GPR173: variants seen among roughly 807,000 people sequenced by gnomAD.
GPR173 encodes probable G protein-coupled receptor 173.
In GPR173, 2 loss-of-function variants were observed where a neutral mutation model predicts 13.9. The observed-to-expected ratio is 0.14, with a 90% CI of 0.06 to 0.45. The LOEUF is 0.45. Ranked by LOEUF, GPR173 falls within the 20% of genes least tolerant of loss-of-function variation. GPR173 has a pLI of 0.98. For missense variants in GPR173, 202 were observed against 340.5 expected (o/e 0.59, Z 3.20); for synonymous variants, 131 against 141.0 (o/e 0.93, Z 0.50).
intron 1 of GPR173, among the ~76,000 whole-genome samples, chrX:53,051,959 C>T (rs192417174): frequency 9.0e-6 from 1 of 110,711 alleles, no homozygotes; most frequent in Admixed American, 9.6e-5. Context: ...GTGTATCTGT[C>T]CTGCATTTGT....
rs1354165521 is a variant in GPR173, at chrX:53,080,545, T to C, written c.*2802T>C. Reference sequence around the variant, plus strand: ...CACCGTTCATGTGTTTATTTACATATATGTGTATCTGTGAAAAATGTATGG... The same window carrying C: ...CACCGTTCATGTGTTTATTTACATACATGTGTATCTGTGAAAAATGTATGG... On this transcript the variant is annotated 3_prime_UTR_variant, in exon 2 of 2. Transcript: ENST00000332582. The C allele has an allele frequency of 8.1e-6, 1 of 122,934 alleles. No homozygotes were observed. Among genetic ancestry groups the C allele is most frequent in the Non-Finnish European group, 1.9e-5 (1 of 53,272 alleles). 10.1% of individuals were successfully genotyped at this position (122,934 alleles called of 1,213,427 possible).
At chrX:53,060,378 G>A (rs1303019201) in intron 1 of GPR173, among the ~76,000 whole-genome samples, 4 of 110,047 alleles carry the variant, frequency 3.6e-5, no homozygotes, top group African/African-American at 6.6e-5. Flanking sequence ...CCAGGAGTTC[G>A]AGATCAGCCT....
rs1556805861 is a variant in GPR173, at chrX:53,076,695, AGCTGGTACT to A, written c.80_88del (p.Val27_Leu29del). 1 of 1,209,119 alleles carries A rather than the reference AGCTGGTACT, an allele frequency of 8.3e-7. No individual in the cohort carries two copies. The highest frequency in any genetic ancestry group is 1.7e-5 in the African/African-American group (1 of 57,839). On this transcript the variant is annotated inframe_deletion, in exon 2 of 2. Transcript: ENST00000332582. Reference sequence around the variant, plus strand: ...CCACCGTCCGCATCAGCTTATGTGAAGCTGGTACTGCTGGGACTGATTATGTGCGTGAGC... The same window carrying A: ...CCACCGTCCGCATCAGCTTATGTGAAGCTGGGACTGATTATGTGCGTGAGC...
At chrX:53,061,991 A>AAGAAGAGAAGAGAAGAGAAG (rs1556803835) in intron 1 of GPR173, among the ~76,000 whole-genome samples, 2 of 105,494 alleles carry the variant, frequency 1.9e-5, no homozygotes, top group African/African-American at 7.3e-5. Flanking sequence ...AGGGAAGAGA[A>AAGAAGAGAAGAGAAGAGAAG]AGAAGAGAAG....
chrX:53,049,975 T>TGTGTGCGC (rs782276225), intron 1 of GPR173, among the ~76,000 whole-genome samples: 3 of 104,879 alleles, frequency 2.9e-5, no homozygotes, highest in African/African-American at 1.1e-4. Flanking sequence ...TGTGTGTGTG[T>TGTGTGCGC]GCACCTGGGT....
chrX:53,060,207 C>T (rs1191251524), intron 1 of GPR173, among the ~76,000 whole-genome samples: 4 of 108,807 alleles, frequency 3.7e-5, no homozygotes, highest in Non-Finnish European at 7.6e-5. Context: ...TGGAGTGCAG[C>T]GGCACCATCT....
At chrX:53,075,861 C>T (rs1221031405) in intron 1 of GPR173, among the ~76,000 whole-genome samples, 4 of 111,772 alleles carry the variant, frequency 3.6e-5, no homozygotes, top group Admixed American at 2.9e-4. Flanking sequence ...GAATGGGGTA[C>T]ATTGCATACA....
intron 1 of GPR173, among the ~76,000 whole-genome samples, chrX:53,059,692 T>G (rs1200711950): frequency 9.4e-6 from 1 of 106,719 alleles, no homozygotes; most frequent in Non-Finnish European, 1.9e-5. Flanking sequence ...CTCAGGAGGC[T>G]GAGGTGGGAG....
chrX:53,076,121 G>C (rs1473624266), intron 1 of GPR173, among the ~76,000 whole-genome samples: 4 of 111,255 alleles, frequency 3.6e-5, no homozygotes, highest in African/African-American at 9.8e-5. Context: ...GACAAGGAGC[G>C]GGTAGGAGCA....
chrX:53,073,970 T>TAA (rs1569224213), intron 1 of GPR173, among the ~76,000 whole-genome samples: 70 of 17,743 alleles, frequency 3.9e-3, no homozygotes, highest in Non-Finnish European at 4.2e-3. Context: ...TATAAATATA[T>TAA]ATTTATATTT....
chrX:53,066,501 A>T (rs1556804229), intron 1 of GPR173, among the ~76,000 whole-genome samples: 1 of 111,042 alleles, frequency 9.0e-6, no homozygotes, highest in Non-Finnish European at 1.9e-5. Context: ...TCTACTAAAA[A>T]TACAAAAAAA....
intron 1 of GPR173, among the ~76,000 whole-genome samples, chrX:53,052,632 T>A (rs67791620): frequency 0.3 from 31,562 of 106,688 alleles, 4,755 homozygotes; most frequent in African/African-American, 0.57. Flanking sequence ...TGTGTGTGTG[T>A]GAATATGCCT....
chrX:53,080,571 T>C lies in GPR173; in HGVS notation c.*2828T>C, dbSNP rs1556806553. ...ATGTGTATCTGTGAAAAATGTATGG[T>C]ATTGCTGTGTGTTTTAATTTACATA... is the stretch of plus-strand genomic sequence containing the variant. On this transcript the variant is annotated 3_prime_UTR_variant, in exon 2 of 2. Transcript: ENST00000332582. The C allele has an allele frequency of 1.6e-5, 2 of 123,020 alleles. No individual in the cohort carries two copies. Among genetic ancestry groups the C allele is most frequent in the Non-Finnish European group, 3.8e-5 (2 of 53,264 alleles). 10.1% of individuals were successfully genotyped at this position (123,020 alleles called of 1,213,427 possible).
Position 53,049,391 on chromosome X carries a change from G to C in GPR173, c.-191G>C, listed in dbSNP as rs1931921947. 1 of 111,917 alleles carries C rather than the reference G, an allele frequency of 8.9e-6. No homozygotes were observed. Among genetic ancestry groups the C allele is most frequent in the South Asian group, 3.7e-4 (1 of 2,718 alleles). 9.2% of individuals were successfully genotyped at this position (111,917 alleles called of 1,213,427 possible). On this transcript the variant is annotated 5_prime_UTR_variant, in exon 1 of 2. Transcript: ENST00000332582. Reference sequence around the variant, plus strand: ...GTGTCACTGGCCGCCAGATCACTGAGGGTCCCACAATGTGGCCCGGGCTGT... The same window carrying C: ...GTGTCACTGGCCGCCAGATCACTGACGGTCCCACAATGTGGCCCGGGCTGT...
At position 53,076,767 on chromosome X, in the gene GPR173, A is replaced by G. The variant is rs782335745; in HGVS notation, c.146A>G (p.Lys49Arg). The change falls in exon 2 of 2, where the codon AAG becomes AGG. Residue 49 changes from lysine to arginine, a missense_variant. Physicochemically the swap from Lys to Arg is conservative, Grantham distance 26 (BLOSUM62 2). Transcript: ENST00000332582. ...GCCATCTTGTCCCTGCTGGTGCTCAAGGAGCGTGCCCTGCACAAGGCTCCT... is the reference window on the plus strand; with the variant it reads ...GCCATCTTGTCCCTGCTGGTGCTCAGGGAGCGTGCCCTGCACAAGGCTCCT... The part of the protein sequence containing the change: ...GNAILSLLVL[K>R]ERALHKAPYY... 2 of 1,210,266 alleles carry G rather than the reference A, an allele frequency of 1.7e-6. No homozygotes were observed. Among genetic ancestry groups the G allele is most frequent in the Non-Finnish European group, 2.2e-6 (2 of 895,037 alleles).
At chrX:53,074,075 CATGTATATTT>C (rs1210283751) in intron 1 of GPR173, among the ~76,000 whole-genome samples, 3 of 23,730 alleles carry the variant, frequency 1.3e-4, no homozygotes, top group Non-Finnish European at 1.8e-4. Flanking sequence ...TATAAATATA[CATGTATATTT>C]ATTTATATAT....
intron 1 of GPR173, among the ~76,000 whole-genome samples, chrX:53,066,375 T>G (rs1556804222): frequency 8.9e-6 from 1 of 111,943 alleles, no homozygotes; most frequent in Non-Finnish European, 1.9e-5. Flanking sequence ...TTTAACATTT[T>G]TTATGTAACT....
chrX:53,079,135 G>C lies in GPR173; in HGVS notation c.*1392G>C, dbSNP rs1932490767. On this transcript the variant is annotated 3_prime_UTR_variant, in exon 2 of 2. Coordinates refer to ENST00000332582, the MANE Select transcript of GPR173 (RefSeq NM_018969.6). ...AGCCAAGCTGGCACTCCTTGCCCTGGTCTTACCCAGGCTCTCTGTCCCCCT... is the reference window on the plus strand; with the variant it reads ...AGCCAAGCTGGCACTCCTTGCCCTGCTCTTACCCAGGCTCTCTGTCCCCCT... 1 of 122,984 alleles carries C rather than the reference G, an allele frequency of 8.1e-6. No individual in the cohort carries two copies. Among genetic ancestry groups the C allele is most frequent in the South Asian group, 3.7e-4 (1 of 2,696 alleles). 10.1% of individuals were successfully genotyped at this position (122,984 alleles called of 1,213,427 possible).
chrX:53,076,735 G>A lies in GPR173; in HGVS notation c.114G>A (p.Ala38=), dbSNP rs782503467. 14 of 1,209,811 alleles carry A rather than the reference G, an allele frequency of 1.2e-5. No individual in the cohort carries two copies. The highest frequency in any genetic ancestry group is 8.7e-5 in the African/African-American group (5 of 57,446). The change falls in exon 2 of 2, where the codon GCG becomes GCA. Residue 38 remains alanine (A), a synonymous_variant. Coordinates refer to ENST00000332582, the MANE Select transcript of GPR173 (RefSeq NM_018969.6). ...GACTGATTATGTGCGTGAGCCTGGC[G>A]GGTAACGCCATCTTGTCCCTGCTGG... ...LLGLIMCVSL[A]GNAILSLLVL...
Sources: allele counts gnomAD v4.1 joint callset (sites outside exome capture counted in the v4.1 genomes callset), GRCh38; gene constraint gnomAD v4.1.1; transcripts MANE v1.5; gene names NCBI Gene and HGNC (gene_info 2026-07-23, HGNC 2026-07-21).